NECTIN3: variants seen among roughly 807,000 people sequenced by gnomAD.
NECTIN3 encodes the protein nectin-3.
NECTIN3 carries 8 observed loss-of-function variants against 49.4 expected under a neutral mutation model. The observed-to-expected ratio is 0.16, with a 90% CI of 0.10 to 0.29. The LOEUF (loss-of-function observed/expected upper bound fraction) is 0.29. Ranked by LOEUF, NECTIN3 falls within the 10% of genes least tolerant of loss-of-function variation. The probability of loss-of-function intolerance (pLI) is 1.00; values close to 1 mark genes in which losing one functional copy is unlikely to be tolerated. For missense variants in NECTIN3, 581 were observed against 654.6 expected, an observed-to-expected ratio of 0.89 and a Z score of 1.23; for synonymous variants, 277 against 241.1, an observed-to-expected ratio of 1.15 and a Z score of -1.38.
At chr3:111,163,103 C>G (rs923612028) in intron 7 of NECTIN3, among the ~76,000 whole-genome samples, 1 of 152,204 alleles carries the variant, frequency 6.6e-6, no homozygotes, top group Non-Finnish European at 1.5e-5. Context: ...TCTGAATGCT[C>G]ACTCACTTGT....
Position 111,134,503 on chromosome 3 carries a change from A to G in NECTIN3, c.*288A>G. ...AGGTAAGAAGAAATGTCAACATTAA[A>G]TGTATGACTTACTTGGTACAAAAAT... On this transcript the variant is annotated 3_prime_UTR_variant, in exon 6 of 6. Coordinates refer to ENST00000485303, the MANE Select transcript of NECTIN3 (RefSeq NM_015480.3). The G allele has an allele frequency of 9.6e-7, 1 of 1,042,824 alleles. No individual in the cohort carries two copies. The highest frequency in any genetic ancestry group is 1.2e-6 in the Non-Finnish European group (1 of 863,226). The allele number at this position is 1,042,824 out of a possible 1,614,324, so 64.6% of individuals were successfully genotyped here.
Position 111,185,163 on chromosome 3 carries a change from C to T in NECTIN3, c.1222-7188C>T, listed in dbSNP as rs187583850. 3.3e-5 allele frequency among the ~76,000 whole-genome samples: 5 copies of T among 152,260 alleles called. No homozygotes were observed. In the East Asian group the frequency reaches 5.8e-4, roughly 18 times the overall value. ...TTTTTATGTGTGTCTTTGTCTTCTTCAGGACCCTGTTCCACAGATTTCAGT... is the reference window on the plus strand; with the variant it reads ...TTTTTATGTGTGTCTTTGTCTTCTTTAGGACCCTGTTCCACAGATTTCAGT... On this transcript the variant is annotated intron_variant, in intron 7 of 8. Coordinates refer to the NECTIN3 transcript ENST00000493615.
chr3:111,101,236 G>C (rs568610591), intron 1 of NECTIN3, among the ~76,000 whole-genome samples: 2 of 152,118 alleles, frequency 1.3e-5, no homozygotes, highest in African/African-American at 2.4e-5. Context: ...ATATTGGTTG[G>C]TTAAATCAAG....
downstream of NECTIN3, among the ~76,000 whole-genome samples, chr3:111,141,941 A>G (rs964979622): frequency 6.6e-6 from 1 of 151,784 alleles, no homozygotes; most frequent in African/African-American, 2.4e-5. Flanking sequence ...TTTTATTGGG[A>G]TATAGAGTCT....
At chr3:111,138,080 A>G (rs561768849), downstream of NECTIN3, among the ~76,000 whole-genome samples, 1 of 151,662 alleles carries the variant, frequency 6.6e-6, no homozygotes, top group Admixed American at 6.6e-5. Context: ...TTGGCTTTCA[A>G]TTTGGAATTA....
At chr3:111,114,712 A>G (rs1421868932) in intron 2 of NECTIN3, among the ~76,000 whole-genome samples, 1 of 152,218 alleles carries the variant, frequency 6.6e-6, no homozygotes, top group Non-Finnish European at 1.5e-5. Flanking sequence ...TTGTGATAGT[A>G]TGTGAACGAA....
chr3:111,094,607 C>T (rs188020677), intron 1 of NECTIN3, among the ~76,000 whole-genome samples: 105 of 145,396 alleles, frequency 7.2e-4, no homozygotes, highest in African/African-American at 2.5e-3. Flanking sequence ...GCAGTGGGGC[C>T]TGAGGCGAAG....
chr3:111,087,607 T>C (rs551130427), intron 1 of NECTIN3, among the ~76,000 whole-genome samples: 30 of 152,032 alleles, frequency 2.0e-4, no homozygotes, highest in Non-Finnish European at 4.0e-4. Context: ...GAGTGGAGAT[T>C]GTGCCACTGC....
chr3:111,123,382 T>G (rs1396378187), intron 4 of NECTIN3, among the ~76,000 whole-genome samples: 1 of 152,118 alleles, frequency 6.6e-6, no homozygotes, highest in Non-Finnish European at 1.5e-5. Context: ...TTGTTGGTTG[T>G]TTAGTCTTTC....
At chr3:111,104,044 A>G (rs1430829742) in intron 1 of NECTIN3, among the ~76,000 whole-genome samples, 4 of 152,200 alleles carry the variant, frequency 2.6e-5, no homozygotes, top group African/African-American at 9.6e-5. Flanking sequence ...CAGGAATGAT[A>G]TGGCTGGATC....
rs184275530 is a variant in NECTIN3 at position 111,111,635 on chromosome 3, C to G, written c.161-395C>G. On this transcript the variant is annotated intron_variant, in intron 1 of 5. Transcript: ENST00000485303. ...ATGTAACTGAATCTTCTACCTCAGT[C>G]TTTCTCACAAGGCTGCAGTCAAAGT... Among the ~76,000 whole-genome samples, 6 of 152,306 alleles carry G rather than the reference C, an allele frequency of 3.9e-5. No individual in the cohort carries two copies. In the East Asian group the frequency reaches 5.8e-4, roughly 15 times the overall value.
intron 4 of NECTIN3, among the ~76,000 whole-genome samples, chr3:111,123,767 C>T (rs2034048835): frequency 6.6e-6 from 1 of 152,082 alleles, no homozygotes. Flanking sequence ...TTTTCATAAG[C>T]AACCCTTCAC....
chr3:111,139,516 A>G (rs1422734304), downstream of NECTIN3, among the ~76,000 whole-genome samples: 5 of 151,796 alleles, frequency 3.3e-5, no homozygotes, highest in Admixed American at 6.6e-5. Flanking sequence ...GCAAGATTAC[A>G]TCACACATAA....
chr3:111,134,546 A>G lies in NECTIN3; in HGVS notation c.*331A>G. On this transcript the variant is annotated 3_prime_UTR_variant, in exon 6 of 6. Transcript: ENST00000485303. Reference sequence around the variant, plus strand: ...ACAAAAATTTTTTAAAAAGGGAACTACCTTGACATTGTGTATTAAATGTTT... The same window carrying G: ...ACAAAAATTTTTTAAAAAGGGAACTGCCTTGACATTGTGTATTAAATGTTT... 1.0e-6 allele frequency: 1 copy of G among 978,856 alleles called. No homozygotes were observed. The highest frequency in any genetic ancestry group is 5.6e-5 in the Admixed American group (1 of 17,982). The allele number at this position is 978,856 out of a possible 1,614,324, so 60.6% of individuals were successfully genotyped here. A position where few individuals can be genotyped will look rare whatever the true frequency, so the allele number is the denominator to read the frequency against.
At chr3:111,162,744 A>G (rs180683730) in intron 7 of NECTIN3, among the ~76,000 whole-genome samples, 1 of 152,128 alleles carries the variant, frequency 6.6e-6, no homozygotes, top group Admixed American at 6.5e-5. Flanking sequence ...TTCCATTAAT[A>G]TTTTCCTGAT....
rs537828218 is a variant in NECTIN3 at position 111,111,966 on chromosome 3, G to A, written c.161-64G>A. ...AGATAGTTACACAGGGGGTCAGGAA[G>A]GGAGGAGAGTGTTGACCACTTTTTT... On this transcript the variant is annotated intron_variant, in intron 1 of 5. Coordinates refer to ENST00000485303, the MANE Select transcript of NECTIN3 (RefSeq NM_015480.3). 6.9e-6 allele frequency: 7 copies of A among 1,016,518 alleles called. No homozygotes were observed. In the African/African-American group the frequency reaches 9.8e-5, roughly 14 times the overall value. The allele number at this position is 1,016,518 out of a possible 1,614,324, so 63.0% of individuals were successfully genotyped here. A position where few individuals can be genotyped will look rare whatever the true frequency, so the allele number is the denominator to read the frequency against.
intron 1 of NECTIN3, among the ~76,000 whole-genome samples, chr3:111,085,094 C>G (rs909822803): frequency 6.6e-6 from 1 of 152,206 alleles, no homozygotes; most frequent in South Asian, 2.1e-4. Flanking sequence ...TGTCACATGA[C>G]GTTTTCCCTG....
chr3:111,152,184 T>C (rs138170077), intron 7 of NECTIN3, among the ~76,000 whole-genome samples: 2 of 152,000 alleles, frequency 1.3e-5, no homozygotes, highest in East Asian at 3.9e-4. Flanking sequence ...CCAATAATGC[T>C]GTAATGAATT....
chr3:111,085,814 G>A (rs1317597528), intron 1 of NECTIN3, among the ~76,000 whole-genome samples: 1 of 151,850 alleles, frequency 6.6e-6, no homozygotes, highest in Non-Finnish European at 1.5e-5. Context: ...TTTTATGAAT[G>A]GTACTGCTGT....
Sources: allele counts gnomAD v4.1 joint callset (sites outside exome capture counted in the v4.1 genomes callset), GRCh38; gene constraint gnomAD v4.1.1; transcripts MANE v1.5; gene names NCBI Gene and HGNC (gene_info 2026-07-23, HGNC 2026-07-21).